The following ATIC variants were observed in gnomAD, a reference collection of about 807,000 sequenced individuals.
ATIC encodes the protein 5-aminoimidazole-4-carboxamide ribonucleotide formyltransferase/IMP cyclohydrolase, also known as bifunctional purine biosynthesis protein ATIC.
A neutral mutation model predicts 72.5 loss-of-function variants in ATIC; 64 were observed. The ratio of observed to expected loss-of-function variants is 0.88; its 90% CI spans 0.72 to 1.09. ATIC has a LOEUF of 1.09. Among genes scored for constraint, ATIC ranks in the 50% least tolerant of loss-of-function variants. The pLI is 0.00. For missense variants in ATIC, 787 were observed against 732.4 expected, an observed-to-expected ratio of 1.07 and a Z score of -0.86; for synonymous variants, 281 against 267.1, an observed-to-expected ratio of 1.05 and a Z score of -0.51.
chr2:215,324,813 A>G (rs985797009), intron 4 of ATIC, among the ~76,000 whole-genome samples: 1 of 152,190 alleles, frequency 6.6e-6, no homozygotes, highest in Non-Finnish European at 1.5e-5. Context: ...CATTGTGCCA[A>G]TCCACTGGAA....
rs771364017 is a variant in ATIC at position 215,346,892 on chromosome 2, C to T, written c.1454C>T (p.Ala485Val). 1.2e-6 allele frequency: 2 copies of T among 1,614,182 alleles called. No individual in the cohort carries two copies. The highest frequency in any genetic ancestry group is 3.3e-5 in the Admixed American group (2 of 60,022). Residue 485 changes from alanine to valine, a missense_variant, in exon 14 of 16, where the codon GCA becomes GTA. Ala to Val is a moderately conservative substitution (Grantham distance 64). Transcript: ENST00000236959. Reference protein sequence around the residue: ...SMKFKTGVKRAEISNAIDQYV... With the variant: ...SMKFKTGVKRVEISNAIDQYV... Reference sequence around the variant, plus strand: ...AAGTTTAAAACAGGAGTGAAGAGAGCAGAAATCTCCAATGCCATCGATCAA... The same window carrying T: ...AAGTTTAAAACAGGAGTGAAGAGAGTAGAAATCTCCAATGCCATCGATCAA...
At chr2:215,356,899 G>A in the ATIC span, among the ~76,000 whole-genome samples, 1 of 152,184 alleles carries the variant, frequency 6.6e-6, no homozygotes, top group African/African-American at 2.4e-5. Context: ...GAACATCTGT[G>A]TGCAAGTTTT....
At chr2:215,315,954 CAA>C (rs1165120321) in intron 2 of ATIC, among the ~76,000 whole-genome samples, 27 of 110,418 alleles carry the variant, frequency 2.4e-4, no homozygotes, top group African/African-American at 2.0e-4. Flanking sequence ...AACACTGTCT[CAA>C]AAAAAAAAAA....
intron 7 of ATIC, among the ~76,000 whole-genome samples, chr2:215,329,715 T>C (rs1057161993): frequency 6.6e-5 from 10 of 152,224 alleles, no homozygotes; most frequent in African/African-American, 2.4e-4. Context: ...TGGCACTTTC[T>C]ATTTCAGTTA....
In ATIC at chr2:215,312,236, G is replaced by T. The variant is rs1295399129; in HGVS notation, c.19+75G>T. On this transcript the variant is annotated intron_variant, in intron 1 of 15. Transcript: ENST00000236959. ...CACGCTCCCGCCTTGGCGGCGGCCGGCGGGACCCGGCACTGCAGGGGCGGC... is the reference window on the plus strand; with the variant it reads ...CACGCTCCCGCCTTGGCGGCGGCCGTCGGGACCCGGCACTGCAGGGGCGGC... 2.1e-6 allele frequency: 3 copies of T among 1,442,890 alleles called. No individual in the cohort carries two copies. The East Asian group carries it at 8.4e-5, about 40-fold the overall frequency. 89.4% of individuals were successfully genotyped at this position (1,442,890 alleles called of 1,614,324 possible). A position where few individuals can be genotyped will look rare whatever the true frequency, so the allele number is the denominator to read the frequency against.
At chr2:215,339,736 G>A (rs1003506316) in intron 12 of ATIC, among the ~76,000 whole-genome samples, 1 of 148,004 alleles carries the variant, frequency 6.8e-6, no homozygotes. Context: ...CCGGGTTCAC[G>A]CCATTCTCCT....
chr2:215,347,351 C>G, intron 14 of ATIC: 1 of 370,250 alleles, frequency 2.7e-6, no homozygotes, highest in East Asian at 5.8e-5. Flanking sequence ...GGCAGGTAAC[C>G]CTGGGGTCTT....
In ATIC at chr2:215,333,354, T is replaced by C; in HGVS notation, c.819T>C (p.Ala273=). 6.2e-7 allele frequency: 1 copy of C among 1,614,004 alleles called. No individual in the cohort carries two copies. Among genetic ancestry groups the C allele is most frequent in the Non-Finnish European group, 8.5e-7 (1 of 1,179,864 alleles). Residue 273 remains alanine (A), a synonymous_variant, in exon 9 of 16, where the codon GCT becomes GCC. Coordinates refer to ENST00000236959, the MANE Select transcript of ATIC (RefSeq NM_004044.7). ...ASFKHVSPAG[A]AVGIPLSEDE... ...ATTTTACTATTTTCTAACCAGGTGC[T>C]GCTGTTGGAATTCCACTCAGTGAAG...
chr2:215,360,122 G>A, the ATIC span, among the ~76,000 whole-genome samples: 2 of 152,148 alleles, frequency 1.3e-5, no homozygotes, highest in East Asian at 3.9e-4. Flanking sequence ...ATTTTTAATA[G>A]AGACAAGGTT....
intron 7 of ATIC, among the ~76,000 whole-genome samples, chr2:215,329,763 G>A (rs376087864): frequency 3.9e-5 from 6 of 151,950 alleles, no homozygotes; most frequent in Admixed American, 2.0e-4. Flanking sequence ...AAGGGGAACC[G>A]GATACTCTTT....
At chr2:215,361,991 C>A in the ATIC span, 1 of 1,613,354 alleles carries the variant, frequency 6.2e-7, no homozygotes. Context: ...CTGATGGTAT[C>A]TCTGAGAATA....
At chr2:215,348,928 A>G (rs2053099901) in intron 14 of ATIC, 166 bp from the exon 15 acceptor site, 1 of 479,804 alleles carries the variant, frequency 2.1e-6, no homozygotes, top group African/African-American at 2.1e-5. Flanking sequence ...ACTGCACTCC[A>G]GCCTGGTGAT....
rs1435842274 is a variant in ATIC at position 215,312,150 on chromosome 2, C to T, written c.8C>T (p.Pro3Leu). 3.9e-6 allele frequency: 6 copies of T among 1,523,326 alleles called. No homozygotes were observed. The highest frequency in any genetic ancestry group is 4.4e-6 in the Non-Finnish European group (5 of 1,142,370). 94.4% of individuals were successfully genotyped at this position (1,523,326 alleles called of 1,614,324 possible). Residue 3 changes from proline to leucine, a missense_variant, in exon 1 of 16, where the codon CCC (proline) becomes CTC (leucine). Physicochemically the swap from Pro to Leu is moderately conservative, Grantham distance 98. Transcript: ENST00000236959. ...AACCCAGTGCCTGCAGCCATGGCTCCCGGCCAGCTCGGTGAGGCCCTAGCG... is the reference window on the plus strand; with the variant it reads ...AACCCAGTGCCTGCAGCCATGGCTCTCGGCCAGCTCGGTGAGGCCCTAGCG... MA[P>L]GQLALFSVSD... is the part of the protein sequence containing the mutation.
At chr2:215,326,195 G>C in intron 6 of ATIC, 57 bp downstream of exon 6, 4 of 1,604,752 alleles carry the variant, frequency 2.5e-6, no homozygotes, top group Non-Finnish European at 3.4e-6. Context: ...GTGTTTGCCA[G>C]ACCAAGCAGT....
the ATIC span, chr2:215,362,247 T>C: frequency 1.5e-6 from 1 of 652,480 alleles, no homozygotes; most frequent in Non-Finnish European, 2.8e-6. Flanking sequence ...TAACTCTTAA[T>C]ACATTTTGGC....
At chr2:215,351,565 A>G (rs1313929816), downstream of ATIC, among the ~76,000 whole-genome samples, 3 of 152,210 alleles carry the variant, frequency 2.0e-5, no homozygotes, top group Non-Finnish European at 2.9e-5. Flanking sequence ...CCTGGGCAAC[A>G]TAGCGACATC....
intron 2 of ATIC, among the ~76,000 whole-genome samples, chr2:215,315,377 T>TTG (rs747099514): frequency 2.6e-5 from 4 of 151,920 alleles, no homozygotes; most frequent in East Asian, 1.9e-4. Flanking sequence ...TATATTTTTT[T>TTG]AGAGGGTTTT....
the ATIC span, chr2:215,367,756 T>C: frequency 1.8e-6 from 2 of 1,101,906 alleles, no homozygotes; most frequent in Non-Finnish European, 2.8e-6. Context: ...GTTTGCTTCA[T>C]GTTTGGAAGA....
At chr2:215,350,759 G>A (rs142776507), downstream of ATIC, among the ~76,000 whole-genome samples, 10 of 152,282 alleles carry the variant, frequency 6.6e-5, no homozygotes, top group Non-Finnish European at 1.0e-4. Context: ...CATCAGGACA[G>A]ACCTGTGCAT....
Sources: gnomAD v4.1 joint callset for allele counts (sites outside exome capture counted in the v4.1 genomes callset) on GRCh38, gnomAD v4.1.1 for gene constraint, MANE v1.5 for transcripts, NCBI Gene and HGNC (gene_info 2026-07-23, HGNC 2026-07-21) for gene names.